BIRC6: variants seen among roughly 807,000 people sequenced by gnomAD.
BIRC6 encodes dual E2 ubiquitin-conjugating enzyme/E3 ubiquitin-protein ligase BIRC6.
In BIRC6, 98 loss-of-function variants were observed where a neutral mutation model predicts 503.3. The ratio of observed to expected loss-of-function variants is 0.19; its 90% CI spans 0.17 to 0.23. The LOEUF (loss-of-function observed/expected upper bound fraction) is 0.23. Among genes scored for constraint, BIRC6 ranks in the 10% least tolerant of loss-of-function variants. The probability of loss-of-function intolerance (pLI) is 1.00; values close to 1 mark genes in which losing one functional copy is unlikely to be tolerated. For missense variants in BIRC6, 5,360 were observed against 5,806.0 expected (o/e 0.92, Z 2.50); for synonymous variants, 2,240 against 2,078.7 (o/e 1.08, Z -2.11).
intron 57 of BIRC6, among the ~76,000 whole-genome samples, chr2:32,521,363 CTCAAAAAAAAA>C (rs2055650641): frequency 2.8e-4 from 1 of 3,528 alleles, no homozygotes; most frequent in Non-Finnish European, 6.6e-4. Context: ...AAGACCTCAT[CTCAAAAAAAAA>C]AAAAAAAAAA....
rs751132317 is a variant in BIRC6 at position 32,508,184 on chromosome 2, C to G, written c.9905C>G (p.Thr3302Ser). 19 of 1,612,512 alleles carry G rather than the reference C, an allele frequency of 1.2e-5. No homozygotes were observed. The highest frequency in any genetic ancestry group is 8.4e-5 in the Admixed American group (5 of 59,842). The change falls in exon 51 of 74, where the codon ACT (threonine) becomes AGT (serine). Residue 3302 changes from threonine to serine, a missense_variant. Around this residue, in one of 16 missense-constraint regions of BIRC6, gnomAD observed 62 missense variants for 107.4 expected, o/e 0.58. Coordinates refer to ENST00000421745, the MANE Select transcript of BIRC6 (RefSeq NM_016252.4). ...TCACAAATTAAATTATTGGGGCTCA[C>G]TGCTTTTGGTACCACCTCTTCTGCA... ...GLSQIKLLGLTAFGTTSSATV... is the reference protein window; with the variant it reads ...GLSQIKLLGLSAFGTTSSATV...
chr2:32,441,996 A>T (rs2045487725), intron 17 of BIRC6, 69 bp from the exon 18 acceptor site: 1 of 1,185,892 alleles, frequency 8.4e-7, no homozygotes, highest in Non-Finnish European at 1.1e-6. Context: ...TTGCCTTTCC[A>T]GCCAGGTTGT....
intron 73 of BIRC6, among the ~76,000 whole-genome samples, chr2:32,615,397 T>C (rs533808023): frequency 1.5e-4 from 23 of 152,308 alleles, no homozygotes; most frequent in African/African-American, 5.3e-4. Context: ...GGCATGTAAA[T>C]GTGCTTTGAA....
chr2:32,456,596 T>G (rs2047289492), intron 23 of BIRC6, among the ~76,000 whole-genome samples: 1 of 152,176 alleles, frequency 6.6e-6, no homozygotes, highest in Non-Finnish European at 1.5e-5. Flanking sequence ...TACTGTGGAG[T>G]CAAATACTCA....
intron 22 of BIRC6, among the ~76,000 whole-genome samples, chr2:32,453,385 A>G (rs2046918360): frequency 6.6e-6 from 1 of 152,182 alleles, no homozygotes; most frequent in Admixed American, 6.5e-5. Flanking sequence ...ATATTTATGC[A>G]GTTGACATCT....
chr2:32,489,351 A>G (rs548637158), intron 42 of BIRC6, among the ~76,000 whole-genome samples: 6 of 152,032 alleles, frequency 3.9e-5, no homozygotes, highest in Non-Finnish European at 7.4e-5. Context: ...TGAGTCACGC[A>G]CAGATTCTAC....
chr2:32,439,044 A>G (rs916808154), intron 15 of BIRC6, among the ~76,000 whole-genome samples: 3 of 152,136 alleles, frequency 2.0e-5, no homozygotes, highest in African/African-American at 4.8e-5. Flanking sequence ...CTGCATGCAC[A>G]TTTTTAACCG....
At position 32,493,758 on chromosome 2, in the gene BIRC6, C is replaced by T. The variant is rs1386772864; in HGVS notation, c.8468+91C>T. 10 of 1,087,242 alleles carry T rather than the reference C, an allele frequency of 9.2e-6. No individual in the cohort carries two copies. In the East Asian group the frequency reaches 2.1e-4, roughly 22 times the overall value. The allele number at this position is 1,087,242 out of a possible 1,614,324, so 67.3% of individuals were successfully genotyped here. On this transcript the variant is annotated intron_variant, in intron 45 of 73. Coordinates refer to ENST00000421745, the MANE Select transcript of BIRC6 (RefSeq NM_016252.4). ...TCTTTAACATTTGTTGGGAATTTAT[C>T]TGTGAACAAATAAGCAGGAGGACGG...
chr2:32,410,911 A>G (rs1210821734), intron 9 of BIRC6, among the ~76,000 whole-genome samples: 2 of 152,064 alleles, frequency 1.3e-5, no homozygotes, highest in African/African-American at 2.4e-5. Flanking sequence ...TGTGTTAGCC[A>G]GGATGGTCTT....
At chr2:32,536,788 G>A (rs2057276450) in intron 61 of BIRC6, among the ~76,000 whole-genome samples, 2 of 152,206 alleles carry the variant, frequency 1.3e-5, no homozygotes, top group South Asian at 4.1e-4. Context: ...TGGCAATGCG[G>A]GCTCTTTTTT....
At chr2:32,542,190 G>T (rs941520778) in intron 61 of BIRC6, among the ~76,000 whole-genome samples, 3 of 151,898 alleles carry the variant, frequency 2.0e-5, no homozygotes, top group Non-Finnish European at 2.9e-5. Context: ...GGACCCAGAA[G>T]CAGACTCCCC....
intron 59 of BIRC6, among the ~76,000 whole-genome samples, chr2:32,526,034 A>T (rs1290893867): frequency 1.3e-5 from 2 of 152,148 alleles, no homozygotes; most frequent in African/African-American, 4.8e-5. Flanking sequence ...AAACACATTT[A>T]TTGAGCACCA....
At position 32,611,617 on chromosome 2, in the gene BIRC6, T is replaced by G. The variant is rs998480320; in HGVS notation, c.14394+35T>G. ...CCTCTCTAACAGGAGCCTTGTTGCT[T>G]TAAGAGTTGTGTAATTATTGACAGA... On this transcript the variant is annotated intron_variant, in intron 73 of 73. Coordinates refer to ENST00000421745, the MANE Select transcript of BIRC6 (RefSeq NM_016252.4). 2.7e-6 allele frequency: 4 copies of G among 1,502,514 alleles called. No homozygotes were observed. In the African/African-American group the frequency reaches 5.6e-5, roughly 21 times the overall value. 93.1% of individuals were successfully genotyped at this position (1,502,514 alleles called of 1,614,324 possible).
chr2:32,488,766 G>C, intron 42 of BIRC6, 52 bp downstream of exon 42: 1 of 1,212,758 alleles, frequency 8.2e-7, no homozygotes. Context: ...AGCTTAAAAC[G>C]TAATTATTAG....
chr2:32,488,625 T>C lies in BIRC6; in HGVS notation c.8006T>C (p.Leu2669Pro). 6.5e-7 allele frequency: 1 copy of C among 1,533,756 alleles called. No individual in the cohort carries two copies. Among genetic ancestry groups the C allele is most frequent in the Non-Finnish European group, 8.8e-7 (1 of 1,135,172 alleles). Residue 2669 changes from leucine (L) to proline (P), a missense_variant, in exon 42 of 74, where the codon CTG (leucine) becomes CCG (proline). By Grantham distance (98) the Leu-to-Pro change is moderately conservative (BLOSUM62 -3). Transcript: ENST00000421745. ...CTCCAATTGTGGCTCACACTGAGCC[T>C]GAATTCTAGTTCAACTGGAAACAAA... ...SLLQLWLTLS[L>P]NSSSTGNKEN...
intron 48 of BIRC6, 74 bp downstream of exon 48, chr2:32,502,965 CT>C: frequency 2.0e-6 from 3 of 1,516,788 alleles, no homozygotes; most frequent in Non-Finnish European, 2.7e-6. Flanking sequence ...TTTTTGTAGT[CT>C]TTTGTGGAAG....
At chr2:32,482,368 A>C (rs562112797) in intron 38 of BIRC6, 61 bp from the exon 39 acceptor site, 5 of 1,533,846 alleles carry the variant, frequency 3.3e-6, no homozygotes, top group Non-Finnish European at 4.5e-6. Flanking sequence ...GATAATGTAA[A>C]TAACGTGTCA....
chr2:32,501,120 T>A (rs973882390), intron 46 of BIRC6, among the ~76,000 whole-genome samples: 3 of 152,252 alleles, frequency 2.0e-5, no homozygotes, highest in African/African-American at 7.2e-5. Flanking sequence ...CTTGGAATGT[T>A]AATACATTAC....
intron 53 of BIRC6, among the ~76,000 whole-genome samples, chr2:32,511,711 T>C (rs1280484907): frequency 6.6e-6 from 1 of 152,052 alleles, no homozygotes; most frequent in East Asian, 1.9e-4. Flanking sequence ...ATGTGTAGCA[T>C]CCATATTAGA....
Sources: allele counts gnomAD v4.1 joint callset (sites outside exome capture counted in the v4.1 genomes callset), GRCh38; gene constraint gnomAD v4.1.1; regional missense constraint gnomAD v4.1.1; transcripts MANE v1.5; gene names NCBI Gene and HGNC (gene_info 2026-07-23, HGNC 2026-07-21).